INPP5A: variants seen among roughly 807,000 people sequenced by gnomAD.
The protein encoded by INPP5A is 43 kDa inositol polyphosphate 5-phophatase.
INPP5A carries 14 observed loss-of-function variants against 65.2 expected under a neutral mutation model. That is an observed-to-expected ratio of 0.21 (90% CI 0.14 to 0.34). The LOEUF (loss-of-function observed/expected upper bound fraction) is 0.34. INPP5A is among the 10% of genes least tolerant of loss of function. The probability of loss-of-function intolerance (pLI) is 1.00; values close to 1 mark genes in which losing one functional copy is unlikely to be tolerated. For missense variants in INPP5A, 431 were observed against 545.6 expected, an observed-to-expected ratio of 0.79 and a Z score of 2.09; for synonymous variants, 207 against 208.3, an observed-to-expected ratio of 0.99 and a Z score of 0.05.
Position 132,727,539 on chromosome 10 carries a change from G to A in INPP5A, c.732+634G>A, listed in dbSNP as rs562703390. Among the ~76,000 whole-genome samples, 2 of 152,114 alleles carry A rather than the reference G, an allele frequency of 1.3e-5. No individual in the cohort carries two copies. The highest frequency in any genetic ancestry group is 1.3e-4 in the Admixed American group (2 of 15,292). ...GGCCTCTAGGCTCAGTGCAAGGGCC[G>A]ATGTTTCTCTGTGGTCCAGTCCACG... On this transcript the variant is annotated intron_variant, in intron 9 of 15. Transcript: ENST00000368594. The surrounding 1 kb of genome is among the most constrained non-coding windows in gnomAD (Gnocchi z 6.5).
rs1404571246 is a variant in INPP5A, at chr10:132,674,699, A to C, written c.307-15693A>C. ...GATGGAATGCTGCTGTGCATGACCC[A>C]CTTCATGGCTAGATGGGTCAGAAAG... On this transcript the variant is annotated intron_variant, in intron 4 of 15. Coordinates refer to ENST00000368594, the MANE Select transcript of INPP5A (RefSeq NM_005539.5). This position sits in a 1 kb window ranked among gnomAD's most constrained non-coding sequence, Gnocchi z 4.4. 6.6e-6 allele frequency among the ~76,000 whole-genome samples: 1 copy of C among 152,124 alleles called. No homozygotes were observed. The highest frequency in any genetic ancestry group is 6.5e-5 in the Admixed American group (1 of 15,278).
At chr10:132,640,255 G>A (rs1564944815) in intron 2 of INPP5A, among the ~76,000 whole-genome samples, 1 of 152,234 alleles carries the variant, frequency 6.6e-6, no homozygotes, top group Non-Finnish European at 1.5e-5. Context: ...GCTGGTCAGA[G>A]CCCACCTCAC....
intron 1 of INPP5A, among the ~76,000 whole-genome samples, chr10:132,556,955 G>A (rs2071134775): frequency 1.3e-5 from 2 of 152,200 alleles, no homozygotes; most frequent in Non-Finnish European, 1.5e-5. Flanking sequence ...TCTCAGGACG[G>A]TGTTTACTGA....
intron 1 of INPP5A, among the ~76,000 whole-genome samples, chr10:132,569,651 T>C (rs1415144958): frequency 6.6e-6 from 1 of 152,080 alleles, no homozygotes; most frequent in Non-Finnish European, 1.5e-5. Context: ...GCCACCTCGC[T>C]GGGTCCCCAC....
At chr10:132,747,645 G>C (rs1420536851) in intron 9 of INPP5A, among the ~76,000 whole-genome samples, 1 of 152,240 alleles carries the variant, frequency 6.6e-6, no homozygotes, top group Non-Finnish European at 1.5e-5. Flanking sequence ...GTGCTCCTCA[G>C]CAGCACCAGC....
Position 132,766,159 on chromosome 10 carries a change from C to T in INPP5A, c.977+313C>T, listed in dbSNP as rs575105418. 6.6e-5 allele frequency among the ~76,000 whole-genome samples: 10 copies of T among 152,006 alleles called. No homozygotes were observed. The East Asian group carries it at 1.2e-3, about 18-fold the overall frequency. ...GTGCACGTGTGCATCTGTGTGTGCA[C>T]GTGTGTGTTCTTGTGTGCATAGTGT... On this transcript the variant is annotated intron_variant, in intron 12 of 15. Coordinates refer to ENST00000368594, the MANE Select transcript of INPP5A (RefSeq NM_005539.5).
At chr10:132,582,486 C>T (rs1192181292) in intron 1 of INPP5A, among the ~76,000 whole-genome samples, 2 of 150,454 alleles carry the variant, frequency 1.3e-5, no homozygotes, top group Non-Finnish European at 1.5e-5. Flanking sequence ...AGTGGCAACA[C>T]GGCTCACTGC....
chr10:132,703,242 A>G (rs1227686022), intron 6 of INPP5A, among the ~76,000 whole-genome samples: 3 of 152,100 alleles, frequency 2.0e-5, no homozygotes, highest in Non-Finnish European at 4.4e-5. Context: ...TGGCGAGGAC[A>G]TGGATCTGGG....
In INPP5A at chr10:132,586,835, G is replaced by A. The variant is rs142650248; in HGVS notation, c.76-21080G>A. On this transcript the variant is annotated intron_variant, in intron 1 of 15. Transcript: ENST00000368594. ...CATGCATGTCAGGAGGCGGCGCAGC[G>A]CGGCGAGGCCACGGTTCTCTCCTGC... Among the ~76,000 whole-genome samples, 23 of 152,298 alleles carry A rather than the reference G, an allele frequency of 1.5e-4. 1 individual carries two copies. In the East Asian group the frequency reaches 1.9e-3, roughly 13 times the overall value.
Position 132,659,128 on chromosome 10 carries a change from C to T in INPP5A, c.306+8623C>T, listed in dbSNP as rs139377697. ...CCAGCTCTGCAGGTGCCACTCCCCA[C>T]GCCAGTGTTCTCCAAACTTCCGGGG... On this transcript the variant is annotated intron_variant, in intron 4 of 15. Coordinates refer to ENST00000368594, the MANE Select transcript of INPP5A (RefSeq NM_005539.5). This position sits in a 1 kb window ranked among gnomAD's most constrained non-coding sequence, Gnocchi z 5.5. Among the ~76,000 whole-genome samples the T allele has an allele frequency of 6.0e-3, 917 of 152,290 alleles. 15 individuals are homozygous for T. The highest frequency in any genetic ancestry group is 5.0e-3 in the Admixed American group (77 of 15,300).
In INPP5A at chr10:132,782,077, T is replaced by C; in HGVS notation, c.*48T>C. ...GCCACGAGAGGACACTTCGTGAGCC[T>C]CCCTGTAGCCGTGGACCGAATACGC... On this transcript the variant is annotated 3_prime_UTR_variant, in exon 16 of 16. Transcript: ENST00000368594. This position sits in a 1 kb window ranked among gnomAD's most constrained non-coding sequence, Gnocchi z 4.4. 2 of 1,550,372 alleles carry C rather than the reference T, an allele frequency of 1.3e-6. No individual in the cohort carries two copies. The highest frequency in any genetic ancestry group is 8.7e-7 in the Non-Finnish European group (1 of 1,144,410).
rs1301626746 is a variant in INPP5A at position 132,678,469 on chromosome 10, T to C, written c.307-11923T>C. On this transcript the variant is annotated intron_variant, in intron 4 of 15. Coordinates refer to ENST00000368594, the MANE Select transcript of INPP5A (RefSeq NM_005539.5). The surrounding 1 kb of genome is among the most constrained non-coding windows in gnomAD (Gnocchi z 4.1). ...TGTGATAGGGTTAAATGTGTGACTT[T>C]TGCAAGTGTGTTCAGCTTCTCGGGA... Among the ~76,000 whole-genome samples, 2 of 152,242 alleles carry C rather than the reference T, an allele frequency of 1.3e-5. No homozygotes were observed. The highest frequency in any genetic ancestry group is 1.5e-5 in the Non-Finnish European group (1 of 68,042).
intron 8 of INPP5A, among the ~76,000 whole-genome samples, chr10:132,724,661 G>A (rs1217657222): frequency 6.6e-6 from 1 of 151,338 alleles, no homozygotes; most frequent in East Asian, 1.9e-4. Flanking sequence ...GAACTCACAG[G>A]GAGGCCCCAG....
intron 6 of INPP5A, 152 bp from the exon 7 acceptor site, chr10:132,708,161 T>C: frequency 1.5e-6 from 1 of 671,202 alleles, no homozygotes; most frequent in Non-Finnish European, 2.7e-6. Flanking sequence ...GGTGCACAGC[T>C]CGGTTCTCTT....
At position 132,575,717 on chromosome 10, in the gene INPP5A, G is replaced by A. The variant is rs1211317794; in HGVS notation, c.76-32198G>A. Among the ~76,000 whole-genome samples, 1 of 152,278 alleles carries A rather than the reference G, an allele frequency of 6.6e-6. No homozygotes were observed. Among genetic ancestry groups the A allele is most frequent in the African/African-American group, 2.4e-5 (1 of 41,562 alleles). On this transcript the variant is annotated intron_variant, in intron 1 of 15. Coordinates refer to ENST00000368594, the MANE Select transcript of INPP5A (RefSeq NM_005539.5). The surrounding 1 kb of genome is among the most constrained non-coding windows in gnomAD (Gnocchi z 5.4). ...TGACGCCTCAGCGCCTGGCCCTCAG[G>A]ACAGCCTTTCCCCGGTTCCCTGTGT...
intron 8 of INPP5A, among the ~76,000 whole-genome samples, chr10:132,724,093 A>G (rs1428858959): frequency 6.6e-6 from 1 of 152,170 alleles, no homozygotes; most frequent in Non-Finnish European, 1.5e-5. Flanking sequence ...AGCTGGGACC[A>G]TTTTTGAAAG....
chr10:132,603,991 T>C lies in INPP5A; in HGVS notation c.76-3924T>C, dbSNP rs1335386944. 2.1e-5 allele frequency among the ~76,000 whole-genome samples: 3 copies of C among 143,656 alleles called. No individual in the cohort carries two copies. The highest frequency in any genetic ancestry group is 7.9e-5 in the African/African-American group (3 of 38,158). 94.2% of individuals were successfully genotyped at this position (143,656 alleles called of 152,430 possible). A position where few individuals can be genotyped will look rare whatever the true frequency, so the allele number is the denominator to read the frequency against. ...CTGCGCCGTCAGGGTCCCCTCTCCG[T>C]CCCGCCCTGTGCCGTCAGGGTCCCC... On this transcript the variant is annotated intron_variant, in intron 1 of 15. Transcript: ENST00000368594. The surrounding 1 kb of genome is among the most constrained non-coding windows in gnomAD (Gnocchi z 4.2).
rs116521715 is a variant in INPP5A at position 132,707,816 on chromosome 10, C to T, written c.475-497C>T. Reference sequence around the variant, plus strand: ...TGGGTGAGAGGCATCGGTGGGTGAACGGCATCGGTGGGTGAGAGGCATCGG... The same window carrying T: ...TGGGTGAGAGGCATCGGTGGGTGAATGGCATCGGTGGGTGAGAGGCATCGG... On this transcript the variant is annotated intron_variant, in intron 6 of 15. Transcript: ENST00000368594. This position sits in a 1 kb window ranked among gnomAD's most constrained non-coding sequence, Gnocchi z 5.5. Among the ~76,000 whole-genome samples, 176 of 151,594 alleles carry T rather than the reference C, an allele frequency of 1.2e-3. No individual in the cohort carries two copies. The highest frequency in any genetic ancestry group is 3.6e-3 in the African/African-American group (147 of 41,368).
chr10:132,610,374 G>A (rs1443473692), intron 2 of INPP5A, among the ~76,000 whole-genome samples: 1 of 152,162 alleles, frequency 6.6e-6, no homozygotes, highest in Non-Finnish European at 1.5e-5. Flanking sequence ...GGGGGGTGGG[G>A]GGCGGTTCGT....
Sources: gnomAD v4.1 joint callset for allele counts (sites outside exome capture counted in the v4.1 genomes callset) on GRCh38, gnomAD v4.1.1 for gene constraint, Gnocchi (gnomAD v3.1) non-coding constraint, MANE v1.5 for transcripts, NCBI Gene and HGNC (gene_info 2026-07-23, HGNC 2026-07-21) for gene names.